Variants in ERGIC1 observed in about 807,000 individuals in gnomAD.
The protein encoded by ERGIC1 is endoplasmic reticulum-Golgi intermediate compartment protein 1.
Under a neutral mutation model 38.3 loss-of-function variants are expected in ERGIC1, and 19 were observed. That is an observed-to-expected ratio of 0.50 (90% CI 0.35 to 0.73). The LOEUF (loss-of-function observed/expected upper bound fraction) is 0.73, where lower values mean the gene tolerates loss of function less well. ERGIC1 is among the 30% of genes least tolerant of loss of function. The pLI, the probability that ERGIC1 is intolerant of heterozygous loss-of-function variation, is 0.01. For synonymous variants in ERGIC1, 124 were observed against 157.6 expected (o/e 0.79, Z 1.60); for missense variants, 294 against 389.2 (o/e 0.76, Z 2.06).
At chr5:172,873,947 C>T (rs1175461653) in intron 1 of ERGIC1, among the ~76,000 whole-genome samples, 3 of 152,240 alleles carry the variant, frequency 2.0e-5, no homozygotes, top group Non-Finnish European at 4.4e-5. Flanking sequence ...GATATAAACA[C>T]ATGCCTTACA....
intron 2 of ERGIC1, among the ~76,000 whole-genome samples, chr5:172,893,413 G>T (rs1762617708): frequency 6.6e-6 from 1 of 152,134 alleles, no homozygotes; most frequent in Non-Finnish European, 1.5e-5. Flanking sequence ...CTCCCAAAGT[G>T]CTGGGATTAT....
intron 3 of ERGIC1, among the ~76,000 whole-genome samples, chr5:172,904,738 G>A (rs989020508): frequency 6.6e-6 from 1 of 152,162 alleles, no homozygotes; most frequent in African/African-American, 2.4e-5. Flanking sequence ...GGCGCTGGCT[G>A]GGGTGGCAGG....
intron 1 of ERGIC1, among the ~76,000 whole-genome samples, chr5:172,836,662 C>CA (rs1181994591): frequency 6.6e-6 from 1 of 152,176 alleles, no homozygotes; most frequent in Non-Finnish European, 1.5e-5. Flanking sequence ...GTGTCCAGTC[C>CA]ATGCTCAGCC....
intron 5 of ERGIC1, chr5:172,916,012 C>T (rs533064216): frequency 2.0e-4 from 39 of 199,444 alleles, no homozygotes; most frequent in Middle Eastern, 2.1e-3. Context: ...GCTCTCACTA[C>T]ACTGGGTCCG....
intron 3 of ERGIC1, 108 bp downstream of exon 3, chr5:172,897,182 A>C (rs893265842): frequency 1.7e-5 from 18 of 1,049,254 alleles, no homozygotes; most frequent in Non-Finnish European, 2.3e-5. Flanking sequence ...TAATCCCAAC[A>C]CTTTGGGAGG....
intron 2 of ERGIC1, among the ~76,000 whole-genome samples, chr5:172,893,919 G>A (rs1481665889): frequency 0.11 from 6,921 of 62,396 alleles, 952 homozygotes; most frequent in African/African-American, 0.23. Flanking sequence ...GTGTGTGTGT[G>A]TGTGTGTGTG....
chr5:172,927,732 A>G (rs1763688685), intron 7 of ERGIC1, among the ~76,000 whole-genome samples: 1 of 152,062 alleles, frequency 6.6e-6, no homozygotes, highest in African/African-American at 2.4e-5. Flanking sequence ...GGTGCCTGCC[A>G]CAATGCCCAG....
intron 1 of ERGIC1, among the ~76,000 whole-genome samples, chr5:172,866,062 C>G (rs1761853705): frequency 6.6e-6 from 1 of 152,192 alleles, no homozygotes; most frequent in Non-Finnish European, 1.5e-5. Flanking sequence ...AATTTCTTAA[C>G]AGATCCTTTG....
rs1447648092 is a variant in ERGIC1 at position 172,926,408 on chromosome 5, G to T, written c.481-101G>T. The T allele has an allele frequency of 3.7e-5, 49 of 1,312,622 alleles. No individual in the cohort carries two copies. Among genetic ancestry groups the T allele is most frequent in the Non-Finnish European group, 5.1e-5 (47 of 914,132 alleles). The allele number at this position is 1,312,622 out of a possible 1,614,324, so 81.3% of individuals were successfully genotyped here. Reference sequence around the variant, plus strand: ...GGAGCCCCCTTTTACACATTGGTAGGGTTCCTAGACCAGGTGGTACCTGGC... The same window carrying T: ...GGAGCCCCCTTTTACACATTGGTAGTGTTCCTAGACCAGGTGGTACCTGGC... On this transcript the variant is annotated intron_variant, in intron 6 of 9. Coordinates refer to ENST00000393784, the MANE Select transcript of ERGIC1 (RefSeq NM_001031711.3). This position sits in a 1 kb window ranked among gnomAD's most constrained non-coding sequence, Gnocchi z 5.2.
At chr5:172,859,916 C>T (rs1357754797) in intron 1 of ERGIC1, among the ~76,000 whole-genome samples, 1 of 152,220 alleles carries the variant, frequency 6.6e-6, no homozygotes, top group Non-Finnish European at 1.5e-5. Context: ...TTCTATTTTT[C>T]CAACTGTTTC....
intron 1 of ERGIC1, 79 bp from the exon 2 acceptor site, chr5:172,888,620 A>G: frequency 8.8e-7 from 1 of 1,139,856 alleles, no homozygotes; most frequent in South Asian, 1.2e-5. Flanking sequence ...CATGTGTCAC[A>G]CAAGCCAGCA....
In ERGIC1 at chr5:172,883,618, C is replaced by T. The variant is rs114791622; in HGVS notation, c.21-5081C>T. Among the ~76,000 whole-genome samples the T allele has an allele frequency of 7.0e-3, 1,068 of 152,312 alleles. 12 individuals carry two copies. The highest frequency in any genetic ancestry group is 0.024 in the African/African-American group (1,003 of 41,566). ...AAGTGGTGCTGTGCCCTCCTCAGTG[C>T]GGCATATCAGGAGGCACAGGGTGCC... On this transcript the variant is annotated intron_variant, in intron 1 of 9. Transcript: ENST00000393784.
intron 1 of ERGIC1, among the ~76,000 whole-genome samples, chr5:172,853,302 C>T (rs1272333073): frequency 6.6e-6 from 1 of 152,160 alleles, no homozygotes; most frequent in East Asian, 1.9e-4. Context: ...CCATTGCGGC[C>T]CCCATCGTGC....
intron 7 of ERGIC1, among the ~76,000 whole-genome samples, chr5:172,931,895 A>G (rs59015277): frequency 0.013 from 1,699 of 129,542 alleles, 34 homozygotes; most frequent in African/African-American, 0.048. Context: ...GTCTTGCTCT[A>G]TCGCCCAGGC....
At chr5:172,869,795 T>G (rs1167338728) in intron 1 of ERGIC1, among the ~76,000 whole-genome samples, 2 of 152,228 alleles carry the variant, frequency 1.3e-5, no homozygotes, top group East Asian at 1.9e-4. Context: ...CCTTGTGACA[T>G]TAGGGAATTT....
chr5:172,897,297 C>T (rs773574415), intron 3 of ERGIC1, among the ~76,000 whole-genome samples: 1 of 151,996 alleles, frequency 6.6e-6, no homozygotes, highest in South Asian at 2.1e-4. Context: ...GGCGTGGTGG[C>T]GGGCACCTAT....
intron 7 of ERGIC1, among the ~76,000 whole-genome samples, chr5:172,927,579 C>CTTT (rs35565131): frequency 7.6e-6 from 1 of 131,302 alleles, no homozygotes; most frequent in Non-Finnish European, 1.6e-5. Context: ...CTCTGCTGTG[C>CTTT]TTTTTTTTTT....
At chr5:172,935,382 G>T in intron 9 of ERGIC1, 72 bp downstream of exon 9, 1 of 1,602,318 alleles carries the variant, frequency 6.2e-7, no homozygotes, top group Non-Finnish European at 8.5e-7. Flanking sequence ...CCTTTCCTTG[G>T]CACCCCTCAC....
chr5:172,859,974 G>C (rs561701883), intron 1 of ERGIC1, among the ~76,000 whole-genome samples: 1 of 152,320 alleles, frequency 6.6e-6, no homozygotes, highest in South Asian at 2.1e-4. Context: ...TAATTATTCA[G>C]CTCTGCCAGA....
Sources: allele counts gnomAD v4.1 joint callset (sites outside exome capture counted in the v4.1 genomes callset), GRCh38; gene constraint gnomAD v4.1.1; non-coding constraint Gnocchi (gnomAD v3.1); transcripts MANE v1.5; gene names NCBI Gene and HGNC (gene_info 2026-07-23, HGNC 2026-07-21).